The following THSD7B variants were observed in gnomAD, a reference collection of about 807,000 sequenced individuals.
The protein encoded by THSD7B is thrombospondin type 1 domain containing 7B.
THSD7B carries 138 observed loss-of-function variants against 213.6 expected under a neutral mutation model. The ratio of observed to expected loss-of-function variants is 0.65; its 90% CI spans 0.56 to 0.74. The LOEUF is 0.74. Among genes scored for constraint, THSD7B ranks in the 30% least tolerant of loss-of-function variants. The pLI is 0.00. For synonymous variants in THSD7B, 742 were observed against 687.0 expected, an observed-to-expected ratio of 1.08 and a Z score of -1.25; for missense variants, 1,931 against 1,991.5, an observed-to-expected ratio of 0.97 and a Z score of 0.58.
intron 7 of THSD7B, among the ~76,000 whole-genome samples, chr2:137,221,944 G>A (rs893705160): frequency 1.3e-5 from 2 of 152,170 alleles, no homozygotes; most frequent in African/African-American, 2.4e-5. Flanking sequence ...TTTCTGCAGA[G>A]CTAGCTAGGC....
chr2:136,785,847 A>G (rs1681834548), intron 1 of THSD7B, among the ~76,000 whole-genome samples: 1 of 152,218 alleles, frequency 6.6e-6, no homozygotes, highest in African/African-American at 2.4e-5. Context: ...ATGTAAAATG[A>G]GATGATAATA....
intron 1 of THSD7B, among the ~76,000 whole-genome samples, chr2:136,794,197 GCTTT>G (rs972539043): frequency 1.3e-4 from 19 of 150,904 alleles, no homozygotes; most frequent in Admixed American, 4.0e-4. Flanking sequence ...CTGTATATCT[GCTTT>G]CTGTGTCATT....
chr2:136,869,521 T>C (rs1420267809), intron 1 of THSD7B, among the ~76,000 whole-genome samples: 9 of 152,336 alleles, frequency 5.9e-5, no homozygotes, highest in Non-Finnish European at 5.9e-5. Context: ...CAACATCTTT[T>C]ATTGAAGCAC....
intron 2 of THSD7B, among the ~76,000 whole-genome samples, chr2:136,953,260 T>G (rs1362516397): frequency 6.6e-6 from 1 of 152,204 alleles, no homozygotes; most frequent in African/African-American, 2.4e-5. Flanking sequence ...AGACAAATTT[T>G]GTAGGAAAGA....
chr2:137,221,360 C>T (rs1327681481), intron 7 of THSD7B, among the ~76,000 whole-genome samples: 1 of 152,078 alleles, frequency 6.6e-6, no homozygotes, highest in Non-Finnish European at 1.5e-5. Flanking sequence ...GGGGACCCCT[C>T]AAGGGAAGTT....
rs62172304 is a variant in THSD7B at position 137,111,929 on chromosome 2, G to C, written c.1200-3195G>C. Among the ~76,000 whole-genome samples, 1,331 of 152,290 alleles carry C rather than the reference G, an allele frequency of 8.7e-3. 16 individuals carry two copies. The highest frequency in any genetic ancestry group is 0.017 in the South Asian group (84 of 4,822). Reference sequence around the variant, plus strand: ...TCCCTTTTAACCAAGAGGGCCAAATGAGGCTGCTTTGAAAGGCATCAGAGT... The same window carrying C: ...TCCCTTTTAACCAAGAGGGCCAAATCAGGCTGCTTTGAAAGGCATCAGAGT... On this transcript the variant is annotated intron_variant, in intron 4 of 27. Transcript: ENST00000409968.
chr2:137,255,473 C>T (rs974133275), intron 10 of THSD7B, among the ~76,000 whole-genome samples: 4 of 152,096 alleles, frequency 2.6e-5, no homozygotes, highest in Non-Finnish European at 5.9e-5. Flanking sequence ...ACAAGAACTA[C>T]TATGGAAGTG....
intron 1 of THSD7B, among the ~76,000 whole-genome samples, chr2:136,824,695 T>G (rs1682616512): frequency 6.6e-6 from 1 of 152,318 alleles, no homozygotes; most frequent in East Asian, 1.9e-4. Flanking sequence ...TCTTTGCTGA[T>G]AGATGTTTCT....
At chr2:137,346,838 T>G (rs1402084956) in intron 12 of THSD7B, among the ~76,000 whole-genome samples, 1 of 151,768 alleles carries the variant, frequency 6.6e-6, no homozygotes, top group African/African-American at 2.4e-5. Flanking sequence ...TTGGTCGACA[T>G]TTAGGTTGCT....
chr2:137,558,105 T>C lies in THSD7B; in HGVS notation c.3139-5116T>C, dbSNP rs908250775. Among the ~76,000 whole-genome samples, 8 of 152,112 alleles carry C rather than the reference T, an allele frequency of 5.3e-5. No homozygotes were observed. In the South Asian group the frequency reaches 1.5e-3, roughly 28 times the overall value. On this transcript the variant is annotated intron_variant, in intron 15 of 27. Coordinates refer to ENST00000409968, the MANE Select transcript of THSD7B (RefSeq NM_001316349.2). ...CAACCACAAAAAGTCCAGGACCAGA[T>C]GGATTCACAGCCGAATTCTACCAGA...
At chr2:137,426,903 G>T (rs1367894708) in intron 14 of THSD7B, among the ~76,000 whole-genome samples, 1 of 152,036 alleles carries the variant, frequency 6.6e-6, no homozygotes, top group East Asian at 1.9e-4. Flanking sequence ...TATTCAATAA[G>T]GGGTTAATAC....
intron 12 of THSD7B, among the ~76,000 whole-genome samples, chr2:137,283,066 G>T (rs1048389771): frequency 3.3e-5 from 5 of 151,940 alleles, no homozygotes; most frequent in Non-Finnish European, 5.9e-5. Flanking sequence ...TTTGTTTGTA[G>T]CCTCTTTTAT....
intron 7 of THSD7B, among the ~76,000 whole-genome samples, chr2:137,221,178 T>G (rs1681361402): frequency 6.6e-6 from 1 of 152,088 alleles, no homozygotes; most frequent in African/African-American, 2.4e-5. Context: ...TCCCAGCTAT[T>G]CGGGAGGCTG....
intron 2 of THSD7B, among the ~76,000 whole-genome samples, chr2:137,044,701 T>C (rs1377550531): frequency 1.3e-5 from 2 of 152,178 alleles, no homozygotes; most frequent in Non-Finnish European, 2.9e-5. Flanking sequence ...TCCCTCTTTT[T>C]CTCTCTCTCA....
At chr2:137,318,216 G>A (rs758945785) in intron 12 of THSD7B, among the ~76,000 whole-genome samples, 2 of 152,084 alleles carry the variant, frequency 1.3e-5, no homozygotes, top group South Asian at 4.1e-4. Flanking sequence ...TCAGGGCTTG[G>A]GTTTTCTTCC....
intron 2 of THSD7B, among the ~76,000 whole-genome samples, chr2:137,051,106 A>C (rs1198980656): frequency 6.6e-6 from 1 of 152,294 alleles, no homozygotes; most frequent in South Asian, 2.1e-4. Flanking sequence ...GCTGCTATAG[A>C]TCTAGTGAGC....
chr2:137,601,117 A>G (rs188490860), intron 17 of THSD7B, among the ~76,000 whole-genome samples: 1 of 152,320 alleles, frequency 6.6e-6, no homozygotes, highest in East Asian at 1.9e-4. Context: ...TAAAAAAATT[A>G]AAAGTTTATA....
chr2:137,632,746 A>G (rs1029653998), intron 20 of THSD7B, among the ~76,000 whole-genome samples: 12 of 152,232 alleles, frequency 7.9e-5, no homozygotes, highest in Admixed American at 5.2e-4. Context: ...ATCTTCTGCC[A>G]TAAAATACCT....
chr2:137,056,727 G>A lies in THSD7B; in HGVS notation c.447G>A (p.Leu149=), dbSNP rs1219158489. The A allele has an allele frequency of 6.2e-7, 1 of 1,613,982 alleles. No individual in the cohort carries two copies. The highest frequency in any genetic ancestry group is 8.5e-7 in the Non-Finnish European group (1 of 1,179,884). ...QHRMVRCIQK[L]NRTVVANEIC... is the part of the protein sequence containing the mutation. ...GGATGGTGCGCTGCATTCAGAAGCT[G>A]AACCGAACTGTGGTTGCAAATGAAA... is the stretch of plus-strand genomic sequence containing the variant. Residue 149 remains leucine (L), a synonymous_variant, in exon 3 of 28, where the codon CTG becomes CTA. Coordinates refer to ENST00000409968, the MANE Select transcript of THSD7B (RefSeq NM_001316349.2).
Sources: gnomAD v4.1 joint callset for allele counts (sites outside exome capture counted in the v4.1 genomes callset) on GRCh38, gnomAD v4.1.1 for gene constraint, MANE v1.5 for transcripts, NCBI Gene and HGNC (gene_info 2026-07-23, HGNC 2026-07-21) for gene names.